GLIS1: variants seen among roughly 807,000 people sequenced by gnomAD.
GLIS1 encodes zinc finger protein GLIS1.
GLIS1 carries 24 observed loss-of-function variants against 63.8 expected under a neutral mutation model. The ratio of observed to expected loss-of-function variants is 0.38; its 90% CI spans 0.27 to 0.53. GLIS1 has a LOEUF of 0.53. GLIS1 is among the 20% of genes least tolerant of loss of function. The pLI is 0.85. For missense variants in GLIS1, 1,036 were observed against 1,074.1 expected, an observed-to-expected ratio of 0.96 and a Z score of 0.50; for synonymous variants, 450 against 482.5, an observed-to-expected ratio of 0.93 and a Z score of 0.88.
chr1:53,529,996 C>A lies in GLIS1; in HGVS notation c.1321-44G>T, dbSNP rs368530787. 10 of 1,585,442 alleles carry A rather than the reference C, an allele frequency of 6.3e-6. No individual in the cohort carries two copies. In the African/African-American group the frequency reaches 1.2e-4, roughly 19 times the overall value. ...AGGGGAACTCCCAGCCCGGTGGGCA[C>A]CCCAACCCTGCATGGAAACTAACCC... On this transcript the variant is annotated intron_variant, in intron 4 of 10. Transcript: ENST00000628545.
chr1:53,656,239 C>T (rs768349970), intron 2 of GLIS1, among the ~76,000 whole-genome samples: 3 of 152,182 alleles, frequency 2.0e-5, no homozygotes, highest in East Asian at 1.9e-4. Context: ...TTGCGGCTCA[C>T]AGGCACACCA....
chr1:53,650,615 C>G (rs1193723171), intron 2 of GLIS1, among the ~76,000 whole-genome samples: 2 of 149,846 alleles, frequency 1.3e-5, no homozygotes, highest in Non-Finnish European at 3.0e-5. Flanking sequence ...AAAGACCACA[C>G]TTTAGGAAAG....
intron 2 of GLIS1, among the ~76,000 whole-genome samples, chr1:53,685,376 C>T (rs1646324904): frequency 6.6e-6 from 1 of 152,326 alleles, no homozygotes; most frequent in East Asian, 1.9e-4. Flanking sequence ...TCTGCGCTGC[C>T]GGGCGCGATC....
chr1:53,723,386 G>C lies in GLIS1; in HGVS notation c.259+14420C>G, dbSNP rs112070924. ...CCCGAGTAGCTGGGATCACAGGTGC[G>C]TGCCACTATGCTCATCTAATTTTTG... On this transcript the variant is annotated intron_variant, in intron 2 of 10. Transcript: ENST00000628545. 3.8e-4 allele frequency among the ~76,000 whole-genome samples: 57 copies of C among 151,668 alleles called. No individual in the cohort carries two copies. In the East Asian group the frequency reaches 9.8e-3, roughly 26 times the overall value.
At chr1:53,589,958 T>G (rs949780646) in intron 4 of GLIS1, among the ~76,000 whole-genome samples, 4 of 152,222 alleles carry the variant, frequency 2.6e-5, no homozygotes, top group Non-Finnish European at 5.9e-5. Flanking sequence ...ACCCACATAC[T>G]GCCCTTCCCA....
At chr1:53,671,269 AT>A (rs1646147786) in intron 2 of GLIS1, among the ~76,000 whole-genome samples, 1 of 152,228 alleles carries the variant, frequency 6.6e-6, no homozygotes, top group African/African-American at 2.4e-5. Context: ...AGGATAGAGG[AT>A]TTGAAGGATG....
intron 2 of GLIS1, among the ~76,000 whole-genome samples, chr1:53,659,908 T>G (rs1215905576): frequency 1.3e-5 from 2 of 152,174 alleles, no homozygotes; most frequent in Admixed American, 6.5e-5. Context: ...GTTGACTTTT[T>G]CTTTTTAACT....
rs190983998 is a variant in GLIS1, at chr1:53,647,877, T to C, written c.260-47599A>G. On this transcript the variant is annotated intron_variant, in intron 2 of 10. Transcript: ENST00000628545. Reference sequence around the variant, plus strand: ...ACACGAAAAAAGGCAAACAACTCAATTAAAAAAAACTTCCCCAGACACAGT... The same window carrying C: ...ACACGAAAAAAGGCAAACAACTCAACTAAAAAAAACTTCCCCAGACACAGT... 5.1e-3 allele frequency among the ~76,000 whole-genome samples: 768 copies of C among 152,042 alleles called. 5 individuals are homozygous for C. The highest frequency in any genetic ancestry group is 8.2e-3 in the Non-Finnish European group (555 of 67,956).
intron 2 of GLIS1, among the ~76,000 whole-genome samples, chr1:53,723,407 T>G (rs1646776165): frequency 6.6e-6 from 1 of 151,776 alleles, no homozygotes; most frequent in South Asian, 2.1e-4. Flanking sequence ...CTCATCTAAT[T>G]TTTGTATGGT....
chr1:53,553,413 C>T (rs554394313), intron 4 of GLIS1, among the ~76,000 whole-genome samples: 5 of 152,282 alleles, frequency 3.3e-5, no homozygotes, highest in South Asian at 4.1e-4. Context: ...ATCCACCCAC[C>T]CATCCACCAT....
chr1:53,728,665 A>G (rs938575190), intron 2 of GLIS1, among the ~76,000 whole-genome samples: 2 of 152,204 alleles, frequency 1.3e-5, no homozygotes, highest in Non-Finnish European at 2.9e-5. Flanking sequence ...AATATTATCT[A>G]TTTTTCCACT....
intron 2 of GLIS1, among the ~76,000 whole-genome samples, chr1:53,668,188 G>C (rs1251911305): frequency 6.6e-6 from 1 of 152,138 alleles, no homozygotes; most frequent in Non-Finnish European, 1.5e-5. Context: ...CCTTGTTGTG[G>C]GATTCATCCT....
At chr1:53,670,977 T>C (rs189451756) in intron 2 of GLIS1, among the ~76,000 whole-genome samples, 72 of 152,358 alleles carry the variant, frequency 4.7e-4, no homozygotes, top group Non-Finnish European at 6.9e-4. Flanking sequence ...GTATGACCAC[T>C]ATTTTGAGAG....
chr1:53,531,349 G>A (rs1011777093), intron 4 of GLIS1, among the ~76,000 whole-genome samples: 4 of 152,360 alleles, frequency 2.6e-5, no homozygotes, highest in South Asian at 4.1e-4. Context: ...GGTAGCAGCC[G>A]TGTTACCCGA....
rs1644619661 is a variant in GLIS1, at chr1:53,539,541, T to C, written c.1321-9589A>G. ...CACCACACACACACATACCACACGG[T>C]ATACACCCCCCCACACACACTACAC... On this transcript the variant is annotated intron_variant, in intron 4 of 10. Transcript: ENST00000628545. The surrounding 1 kb of genome is among the most constrained non-coding windows in gnomAD (Gnocchi z 5.0). 2.6e-5 allele frequency among the ~76,000 whole-genome samples: 1 copy of C among 39,018 alleles called. No homozygotes were observed. The allele number at this position is 39,018 out of a possible 152,430, so 25.6% of individuals were successfully genotyped here. A position where few individuals can be genotyped will look rare whatever the true frequency, so the allele number is the denominator to read the frequency against.
chr1:53,535,763 T>C (rs186516920), intron 4 of GLIS1, among the ~76,000 whole-genome samples: 1 of 152,152 alleles, frequency 6.6e-6, no homozygotes, highest in African/African-American at 2.4e-5. Flanking sequence ...TCCCAACCCA[T>C]TTCCACGAGC....
chr1:53,521,858 G>A (rs112753279), intron 6 of GLIS1, among the ~76,000 whole-genome samples: 3 of 152,238 alleles, frequency 2.0e-5, no homozygotes, highest in African/African-American at 7.2e-5. Flanking sequence ...CAGGCACCTG[G>A]GAAGGGCCCC....
At chr1:53,622,113 A>G (rs1261743719) in intron 2 of GLIS1, among the ~76,000 whole-genome samples, 1 of 151,462 alleles carries the variant, frequency 6.6e-6, no homozygotes, top group Admixed American at 6.6e-5. Context: ...GTTACACTGT[A>G]TAGAAGGTTG....
At chr1:53,613,912 T>C (rs1645451394) in intron 2 of GLIS1, among the ~76,000 whole-genome samples, 1 of 152,252 alleles carries the variant, frequency 6.6e-6, no homozygotes, top group Admixed American at 6.5e-5. Flanking sequence ...TGAATTTGCC[T>C]CATCACAAGT....
Sources: allele counts gnomAD v4.1 joint callset (sites outside exome capture counted in the v4.1 genomes callset), GRCh38; gene constraint gnomAD v4.1.1; non-coding constraint Gnocchi (gnomAD v3.1); transcripts MANE v1.5; gene names NCBI Gene and HGNC (gene_info 2026-07-23, HGNC 2026-07-21).